The following IL12RB2 variants were observed in gnomAD, a reference collection of about 807,000 sequenced individuals.
IL12RB2 encodes the protein interleukin-12 receptor subunit beta-2.
Under a neutral mutation model 89.4 loss-of-function variants are expected in IL12RB2, and 82 were observed. The observed-to-expected ratio is 0.92, with a 90% CI of 0.77 to 1.10. The LOEUF is 1.10. Among genes scored for constraint, IL12RB2 ranks in the 50% least tolerant of loss-of-function variants. The pLI, the probability that IL12RB2 is intolerant of heterozygous loss-of-function variation, is 0.00. For missense variants in IL12RB2, 963 were observed against 1,031.9 expected (o/e 0.93, Z 0.92); for synonymous variants, 368 against 370.1 (o/e 0.99, Z 0.07).
intron 9 of IL12RB2, among the ~76,000 whole-genome samples, chr1:67,346,435 G>A (rs905919452): frequency 1.5e-5 from 2 of 136,306 alleles, no homozygotes; most frequent in Non-Finnish European, 3.1e-5. Context: ...CACCCAGGTT[G>A]GAGTGCAGTG....
chr1:67,322,607 T>C (rs1230587924), intron 4 of IL12RB2, among the ~76,000 whole-genome samples: 1 of 151,862 alleles, frequency 6.6e-6, no homozygotes, highest in African/African-American at 2.4e-5. Context: ...CAACAGAAAA[T>C]GCAGCTGGTT....
In IL12RB2 at chr1:67,329,737, T is replaced by A. The variant is rs751790078; in HGVS notation, c.807+8T>A. 1.3e-5 allele frequency: 21 copies of A among 1,596,020 alleles called. No homozygotes were observed. Among genetic ancestry groups the A allele is most frequent in the Middle Eastern group, 1.7e-4 (1 of 6,004 alleles). On this transcript the variant is annotated splice_region_variant and intron_variant, in intron 7 of 16. Coordinates refer to ENST00000674203, the MANE Select transcript of IL12RB2 (RefSeq NM_001374259.2). ...AGCAGGCTCTGGAATATGGTAATTATCTTTAGAGTGAAGGAAAAAACACTG... is the reference window on the plus strand; with the variant it reads ...AGCAGGCTCTGGAATATGGTAATTAACTTTAGAGTGAAGGAAAAAACACTG...
chr1:67,350,875 G>C lies in IL12RB2; in HGVS notation c.1044G>C (p.Leu348=), dbSNP rs769968606. ...ATAAATGTGTCTTGTTGCAGAATCTGAGTGTCTCAGAGGCAAGAGGAAAAA... is the reference window on the plus strand; with the variant it reads ...ATAAATGTGTCTTGTTGCAGAATCTCAGTGTCTCAGAGGCAAGAGGAAAAA... ...RQQISLFWKN[L]SVSEARGKIL... is the part of the protein sequence containing the mutation. The change falls in exon 10 of 17, where the codon CTG becomes CTC. Residue 348 remains leucine (L), a synonymous_variant. Coordinates refer to ENST00000674203, the MANE Select transcript of IL12RB2 (RefSeq NM_001374259.2). 1.2e-6 allele frequency: 2 copies of C among 1,613,956 alleles called. No homozygotes were observed. The highest frequency in any genetic ancestry group is 4.5e-5 in the East Asian group (2 of 44,882).
At position 67,337,913 on chromosome 1, in the gene IL12RB2, A is replaced by AAAAAAG. The variant is rs1266084273; in HGVS notation, c.959-707_959-706insAGAAAA. Among the ~76,000 whole-genome samples, 301 of 144,742 alleles carry AAAAAAG rather than the reference A, an allele frequency of 2.1e-3. 1 individual carries two copies. The highest frequency in any genetic ancestry group is 7.0e-3 in the Middle Eastern group (2 of 284). The allele number at this position is 144,742 out of a possible 152,430, so 95.0% of individuals were successfully genotyped here. On this transcript the variant is annotated intron_variant, in intron 8 of 16. Transcript: ENST00000674203. ...TTCTGCATTCTAGTAAAAAAAAAAA[A>AAAAAAG]AAAAGAAAAGAAAAGAAAAGAAAAG... is the stretch of plus-strand genomic sequence containing the variant.
intron 16 of IL12RB2, among the ~76,000 whole-genome samples, chr1:67,393,157 C>T (rs559942385): frequency 1.3e-5 from 2 of 152,250 alleles, no homozygotes; most frequent in Non-Finnish European, 2.9e-5. Context: ...TGTGTCCTCC[C>T]CTCCTAGCAA....
chr1:67,323,651 G>C (rs534441193), intron 4 of IL12RB2, among the ~76,000 whole-genome samples: 8 of 152,068 alleles, frequency 5.3e-5, no homozygotes, highest in Non-Finnish European at 1.2e-4. Flanking sequence ...CAAACGTGAG[G>C]GTAGAATAAA....
At chr1:67,350,582 G>A (rs1660719089) in intron 9 of IL12RB2, among the ~76,000 whole-genome samples, 2 of 152,234 alleles carry the variant, frequency 1.3e-5, no homozygotes, top group South Asian at 4.1e-4. Context: ...TCTATTGGAT[G>A]TGACCAAGTT....
At position 67,350,745 on chromosome 1, in the gene IL12RB2, G is replaced by A. The variant is rs1660735027; in HGVS notation, c.1039-125G>A. On this transcript the variant is annotated intron_variant, in intron 9 of 16. Transcript: ENST00000674203. ...TAAAAGTGTGTAGCAGGGAACATGAGATGATATGAACAAAAAGGTCACTCA... is the reference window on the plus strand; with the variant it reads ...TAAAAGTGTGTAGCAGGGAACATGAAATGATATGAACAAAAAGGTCACTCA... The A allele has an allele frequency of 7.2e-6, 11 of 1,538,038 alleles. No homozygotes were observed. In the East Asian group the frequency reaches 2.4e-4, roughly 34 times the overall value.
chr1:67,314,233 T>C (rs1655465791), intron 2 of IL12RB2, among the ~76,000 whole-genome samples: 1 of 152,160 alleles, frequency 6.6e-6, no homozygotes, highest in African/African-American at 2.4e-5. Flanking sequence ...ACTTTTTAAG[T>C]TCTTTGATGG....
At chr1:67,393,887 C>T (rs1570243233) in intron 16 of IL12RB2, among the ~76,000 whole-genome samples, 1 of 109,998 alleles carries the variant, frequency 9.1e-6, no homozygotes, top group African/African-American at 2.7e-5. Context: ...TCATCCTACT[C>T]CTCCTGTAAG....
chr1:67,337,938 G>T (rs1229307211), intron 8 of IL12RB2, among the ~76,000 whole-genome samples: 1 of 144,022 alleles, frequency 6.9e-6, no homozygotes, highest in Non-Finnish European at 1.5e-5. Flanking sequence ...GAAAAGAAAA[G>T]AACCACATAT....
chr1:67,317,015 T>C (rs918887153), intron 2 of IL12RB2, among the ~76,000 whole-genome samples: 2 of 152,192 alleles, frequency 1.3e-5, no homozygotes, highest in African/African-American at 2.4e-5. Context: ...GCTTAATACA[T>C]ATTTATTGAA....
chr1:67,342,510 T>TA (rs1659753245), intron 9 of IL12RB2, among the ~76,000 whole-genome samples: 1 of 151,946 alleles, frequency 6.6e-6, no homozygotes, highest in Non-Finnish European at 1.5e-5. Context: ...GGTGTGAATG[T>TA]ATGTGAGTGT....
chr1:67,377,293 A>G (rs1664087105), intron 13 of IL12RB2, among the ~76,000 whole-genome samples: 1 of 152,296 alleles, frequency 6.6e-6, no homozygotes, highest in African/African-American at 2.4e-5. Context: ...AGCATGCAAG[A>G]CATCTCTGAC....
At chr1:67,315,928 T>C (rs1655696845) in intron 2 of IL12RB2, among the ~76,000 whole-genome samples, 1 of 151,290 alleles carries the variant, frequency 6.6e-6, no homozygotes, top group African/African-American at 2.4e-5. Context: ...TTAACTCAAA[T>C]AGTCAATATG....
At chr1:67,376,027 T>C (rs777220804) in intron 13 of IL12RB2, among the ~76,000 whole-genome samples, 1 of 152,020 alleles carries the variant, frequency 6.6e-6, no homozygotes, top group East Asian at 1.9e-4. Context: ...TTTGTATTTT[T>C]AGTAGACACG....
In IL12RB2 at chr1:67,397,604, C is replaced by CCA. The variant is rs1370131857; in HGVS notation, c.*1517_*1518dup. ...CTTTAAAGCTGTGGCCCCTGGCTTG[C>CCA]CACCCTCCCTAGCCCATTGCTGCCT... is the stretch of plus-strand genomic sequence containing the variant. On this transcript the variant is annotated 3_prime_UTR_variant, in exon 17 of 17. Transcript: ENST00000674203. Among the ~76,000 whole-genome samples, 2 of 152,216 alleles carry CCA rather than the reference C, an allele frequency of 1.3e-5. No homozygotes were observed. Among genetic ancestry groups the CCA allele is most frequent in the Non-Finnish European group, 2.9e-5 (2 of 68,040 alleles).
intron 15 of IL12RB2, among the ~76,000 whole-genome samples, chr1:67,387,954 G>T (rs1665401673): frequency 6.6e-6 from 1 of 152,180 alleles, no homozygotes. Flanking sequence ...GAGGCAGGCA[G>T]ATCACCTCAG....
intron 14 of IL12RB2, among the ~76,000 whole-genome samples, chr1:67,385,620 T>C (rs912401528): frequency 6.6e-6 from 1 of 152,240 alleles, no homozygotes; most frequent in Non-Finnish European, 1.5e-5. Context: ...TAACAGAGCC[T>C]GTTACCTGGT....
Sources: allele counts gnomAD v4.1 joint callset (sites outside exome capture counted in the v4.1 genomes callset), GRCh38; gene constraint gnomAD v4.1.1; transcripts MANE v1.5; gene names NCBI Gene and HGNC (gene_info 2026-07-23, HGNC 2026-07-21).